Variants in ARHGAP42 observed in about 807,000 individuals in gnomAD.
ARHGAP42 encodes the protein Rho GTPase activating protein 42, also known as rho GTPase-activating protein 42.
ARHGAP42 carries 63 observed loss-of-function variants against 125.0 expected under a neutral mutation model. The observed-to-expected ratio is 0.50, with a 90% confidence interval of 0.41 to 0.62. The LOEUF (loss-of-function observed/expected upper bound fraction) is 0.62. ARHGAP42 is among the 20% of genes least tolerant of loss of function. The pLI, the probability that ARHGAP42 is intolerant of heterozygous loss-of-function variation, is 0.00. For missense variants in ARHGAP42, 766 were observed against 1,024.2 expected, an observed-to-expected ratio of 0.75 and a Z score of 3.44; for synonymous variants, 339 against 351.0, an observed-to-expected ratio of 0.97 and a Z score of 0.38.
intron 1 of ARHGAP42, among the ~76,000 whole-genome samples, chr11:100,690,417 T>TC (rs1489563469): frequency 6.6e-6 from 1 of 152,204 alleles, no homozygotes; most frequent in East Asian, 1.9e-4. Flanking sequence ...GCCTGACTAT[T>TC]CCAATAAGAG....
intron 1 of ARHGAP42, among the ~76,000 whole-genome samples, chr11:100,767,263 A>G (rs963086798): frequency 2.0e-4 from 31 of 152,160 alleles, no homozygotes; most frequent in African/African-American, 7.0e-4. Flanking sequence ...TCTCCTTACT[A>G]TAACCCTGAG....
chr11:100,838,926 T>C (rs1467191390), intron 3 of ARHGAP42, among the ~76,000 whole-genome samples: 1 of 152,120 alleles, frequency 6.6e-6, no homozygotes, highest in African/African-American at 2.4e-5. Context: ...TGCACTAACT[T>C]CCACCATTGA....
At chr11:100,838,729 A>G (rs1247136681) in intron 3 of ARHGAP42, among the ~76,000 whole-genome samples, 2 of 152,054 alleles carry the variant, frequency 1.3e-5, no homozygotes, top group South Asian at 4.1e-4. Context: ...CACCAAGAAA[A>G]AAAAAATCAT....
At chr11:100,721,753 C>T (rs966554415) in intron 1 of ARHGAP42, among the ~76,000 whole-genome samples, 1 of 152,114 alleles carries the variant, frequency 6.6e-6, no homozygotes, top group African/African-American at 2.4e-5. Context: ...GAATTACAGG[C>T]ATGAGCCACC....
intron 9 of ARHGAP42, among the ~76,000 whole-genome samples, chr11:100,942,935 C>G (rs987813488): frequency 1.3e-5 from 2 of 152,022 alleles, no homozygotes; most frequent in African/African-American, 2.4e-5. Flanking sequence ...TAGACCAAGC[C>G]AAAGTTCTAT....
chr11:100,783,020 G>A (rs987531529), intron 2 of ARHGAP42, among the ~76,000 whole-genome samples: 2 of 152,284 alleles, frequency 1.3e-5, no homozygotes, highest in Admixed American at 1.3e-4. Context: ...TTAGAAATTT[G>A]ATTTCTGGGC....
intron 3 of ARHGAP42, among the ~76,000 whole-genome samples, chr11:100,847,786 G>A (rs951507044): frequency 3.3e-5 from 5 of 152,156 alleles, no homozygotes; most frequent in African/African-American, 1.2e-4. Flanking sequence ...GAGTAGAGAA[G>A]CCTGGGACCT....
At chr11:100,933,379 CTTAG>C (rs1463469917) in intron 7 of ARHGAP42, 119 bp downstream of exon 7, 69 of 598,370 alleles carry the variant, frequency 1.2e-4, no homozygotes, top group Non-Finnish European at 1.7e-4. Context: ...AAACCCTAAT[CTTAG>C]TTAGAAAAAT....
At chr11:100,903,151 A>ACACACACACC (rs1216999959) in intron 4 of ARHGAP42, among the ~76,000 whole-genome samples, 1 of 151,680 alleles carries the variant, frequency 6.6e-6, no homozygotes, top group Non-Finnish European at 1.5e-5. Context: ...ACACACACAC[A>ACACACACACC]CACACCAAGC....
At chr11:100,973,596 A>G (rs1175952467) in intron 18 of ARHGAP42, among the ~76,000 whole-genome samples, 1 of 152,156 alleles carries the variant, frequency 6.6e-6, no homozygotes, top group East Asian at 1.9e-4. Flanking sequence ...AACATTTTAA[A>G]ATCACTTTGT....
intron 2 of ARHGAP42, among the ~76,000 whole-genome samples, chr11:100,772,860 A>G (rs1216413647): frequency 6.6e-6 from 1 of 152,210 alleles, no homozygotes; most frequent in Non-Finnish European, 1.5e-5. Context: ...ATTTTGAGAC[A>G]GAGTCTTGCT....
chr11:100,978,309 A>G (rs779101251), intron 21 of ARHGAP42, among the ~76,000 whole-genome samples: 7 of 152,166 alleles, frequency 4.6e-5, no homozygotes, highest in Non-Finnish European at 8.8e-5. Flanking sequence ...AAGAAATAAG[A>G]TAGATTTTTT....
chr11:100,755,817 A>G (rs1409076008), intron 1 of ARHGAP42, among the ~76,000 whole-genome samples: 1 of 152,160 alleles, frequency 6.6e-6, no homozygotes, highest in African/African-American at 2.4e-5. Flanking sequence ...TATTTACAAG[A>G]TAGGTTTTTC....
intron 1 of ARHGAP42, among the ~76,000 whole-genome samples, chr11:100,753,358 T>G (rs888620084): frequency 1.3e-5 from 2 of 152,158 alleles, no homozygotes; most frequent in African/African-American, 4.8e-5. Context: ...CAGGCCGTCT[T>G]TGCTCAATAC....
intron 4 of ARHGAP42, among the ~76,000 whole-genome samples, chr11:100,893,158 G>GGTGGGTGTGTGT (rs1866262633): frequency 1.4e-5 from 2 of 147,090 alleles, no homozygotes; most frequent in South Asian, 4.4e-4. Flanking sequence ...AACATTTAGG[G>GGTGGGTGTGTGT]GTGTGTGTGT....
chr11:100,711,910 A>G (rs1861571379), intron 1 of ARHGAP42, among the ~76,000 whole-genome samples: 1 of 152,244 alleles, frequency 6.6e-6, no homozygotes, highest in Non-Finnish European at 1.5e-5. Context: ...TTAATTAGCT[A>G]AAAGATGTAA....
chr11:100,779,463 A>ATATAT (rs1420784707), intron 2 of ARHGAP42, among the ~76,000 whole-genome samples: 1 of 80,304 alleles, frequency 1.2e-5, no homozygotes, highest in Non-Finnish European at 2.5e-5. Flanking sequence ...AAAAAAAAAA[A>ATATAT]AAAAATATAT....
At chr11:100,882,629 A>T (rs1865988733) in intron 4 of ARHGAP42, among the ~76,000 whole-genome samples, 1 of 151,440 alleles carries the variant, frequency 6.6e-6, no homozygotes, top group African/African-American at 2.4e-5. Context: ...TGATTTAAGG[A>T]TTCCCTCTTT....
intron 1 of ARHGAP42, among the ~76,000 whole-genome samples, chr11:100,767,343 A>G (rs1482671937): frequency 6.6e-6 from 1 of 152,186 alleles, no homozygotes; most frequent in Admixed American, 6.5e-5. Flanking sequence ...CAGTCATGAC[A>G]CTTAATTATT....
Sources: allele counts gnomAD v4.1 joint callset (sites outside exome capture counted in the v4.1 genomes callset), GRCh38; gene constraint gnomAD v4.1.1; transcripts MANE v1.5; gene names NCBI Gene and HGNC (gene_info 2026-07-23, HGNC 2026-07-21).